The following TBCK variants were observed in gnomAD, a reference collection of about 807,000 sequenced individuals.
TBCK encodes the protein TBC1 domain containing kinase.
Under a neutral mutation model 113.4 loss-of-function variants are expected in TBCK, and 99 were observed. The observed-to-expected ratio is 0.87, with a 90% CI of 0.74 to 1.03. The LOEUF is 1.03. Among genes scored for constraint, TBCK ranks in the 50% least tolerant of loss-of-function variants. TBCK has a pLI of 0.00. For synonymous variants in TBCK, 369 were observed against 370.8 expected, an observed-to-expected ratio of 1.00 and a Z score of 0.05; for missense variants, 1,045 against 1,061.3, an observed-to-expected ratio of 0.98 and a Z score of 0.21.
In TBCK at chr4:106,244,642, T is replaced by C. The variant is rs1164732494; in HGVS notation, c.1054A>G (p.Ile352Val). 3.1e-6 allele frequency: 5 copies of C among 1,607,596 alleles called. 1 individual carries two copies. Among genetic ancestry groups the C allele is most frequent in the South Asian group, 2.2e-5 (2 of 89,400 alleles). The change falls in exon 11 of 26, where the codon ATC becomes GTC. Residue 352 changes from isoleucine to valine, a missense_variant. Coordinates refer to ENST00000394708, the MANE Select transcript of TBCK (RefSeq NM_001163435.3). ...NKEIIRSKPPICTLPNFLFED... is the reference protein window; with the variant it reads ...NKEIIRSKPPVCTLPNFLFED... ...TTTCCTTACTTGGGGAGTGTGCAGA[T>C]AGGTGGTTTGGATCGAATGATTTCC...
intron 23 of TBCK, among the ~76,000 whole-genome samples, chr4:106,120,037 C>T (rs1301536136): frequency 1.3e-5 from 2 of 152,162 alleles, no homozygotes; most frequent in African/African-American, 4.8e-5. Context: ...GTGATTTCTG[C>T]ATTTCCATCT....
chr4:106,057,113 C>T (rs1294460585), intron 25 of TBCK, among the ~76,000 whole-genome samples: 1 of 151,710 alleles, frequency 6.6e-6, no homozygotes, highest in African/African-American at 2.4e-5. Flanking sequence ...AGTCACAGAG[C>T]TTTGGCTATG....
At chr4:106,075,561 T>TTTGA (rs1213543254) in intron 25 of TBCK, among the ~76,000 whole-genome samples, 1 of 152,228 alleles carries the variant, frequency 6.6e-6, no homozygotes, top group Non-Finnish European at 1.5e-5. Context: ...TTACTAGCAC[T>TTTGA]TTGATTGGCA....
intron 22 of TBCK, among the ~76,000 whole-genome samples, chr4:106,180,615 C>T (rs931089894): frequency 6.6e-6 from 1 of 151,894 alleles, no homozygotes; most frequent in Non-Finnish European, 1.5e-5. Context: ...CTCCCACTTA[C>T]GAGGGGGAAC....
At chr4:106,248,790 T>C in intron 8 of TBCK, 131 bp downstream of exon 8, 1 of 667,132 alleles carries the variant, frequency 1.5e-6, no homozygotes, top group South Asian at 2.2e-5. Flanking sequence ...CCAAACGTAC[T>C]GGTGCCTTTA....
At chr4:106,193,148 A>G (rs1221200632) in intron 22 of TBCK, among the ~76,000 whole-genome samples, 1 of 152,148 alleles carries the variant, frequency 6.6e-6, no homozygotes, top group Non-Finnish European at 1.5e-5. Context: ...TTGTCCTCCC[A>G]AGAGGGCAGT....
Position 106,230,462 on chromosome 4 carries a change from G to A in TBCK, c.1691-16C>T. On this transcript the variant is annotated splice_polypyrimidine_tract_variant and intron_variant, in intron 18 of 25. Coordinates refer to ENST00000394708, the MANE Select transcript of TBCK (RefSeq NM_001163435.3). ...TAAGCCAAGGCTAAAAGAGAATAAGGCAAAGGCATGTAAAAAATTAGTTAA... is the reference window on the plus strand; with the variant it reads ...TAAGCCAAGGCTAAAAGAGAATAAGACAAAGGCATGTAAAAAATTAGTTAA... 1 of 1,529,118 alleles carries A rather than the reference G, an allele frequency of 6.5e-7. No homozygotes were observed. Among genetic ancestry groups the A allele is most frequent in the South Asian group, 1.2e-5 (1 of 82,544 alleles). 94.7% of individuals were successfully genotyped at this position (1,529,118 alleles called of 1,614,324 possible). A position where few individuals can be genotyped will look rare whatever the true frequency, so the allele number is the denominator to read the frequency against.
rs760904418 is a variant in TBCK at position 106,249,022 on chromosome 4, C to T, written c.659-40G>A. 1.3e-5 allele frequency: 19 copies of T among 1,451,270 alleles called. 1 individual carries two copies. In the South Asian group the frequency reaches 2.4e-4, roughly 18 times the overall value. 89.9% of individuals were successfully genotyped at this position (1,451,270 alleles called of 1,614,324 possible). ...AACTATATGAATAAATGCTATTTTT[C>T]TAATCTGTCCAACAAACCAGAAAAT... On this transcript the variant is annotated intron_variant, in intron 7 of 25. Coordinates refer to ENST00000394708, the MANE Select transcript of TBCK (RefSeq NM_001163435.3).
chr4:106,213,832 G>A, intron 19 of TBCK: 1 of 155,162 alleles, frequency 6.4e-6, no homozygotes, highest in Non-Finnish European at 1.4e-5. Flanking sequence ...GGTAAACAAA[G>A]CAGCCCGGAA....
rs1005361141 is a variant in TBCK at position 106,041,898 on chromosome 4, T to A, written c.*4672A>T. On this transcript the variant is annotated 3_prime_UTR_variant, in exon 26 of 26. Coordinates refer to ENST00000394708, the MANE Select transcript of TBCK (RefSeq NM_001163435.3). ...AGAAAAGATATAAATACATGTGACT[T>A]TATAAAATATGGCTAACTTTTAAAA... is the stretch of plus-strand genomic sequence containing the variant. 1.3e-5 allele frequency: 2 copies of A among 152,214 alleles called. No homozygotes were observed. Among genetic ancestry groups the A allele is most frequent in the African/African-American group, 2.4e-5 (1 of 41,454 alleles). The allele number at this position is 152,214 out of a possible 1,614,324, so 9.4% of individuals were successfully genotyped here.
At chr4:106,165,536 G>A (rs1750261960) in intron 23 of TBCK, among the ~76,000 whole-genome samples, 1 of 151,632 alleles carries the variant, frequency 6.6e-6, no homozygotes, top group South Asian at 2.1e-4. Flanking sequence ...CATAGCTGAG[G>A]AAAAACAGAA....
chr4:106,108,625 A>G (rs1742464852), intron 24 of TBCK, among the ~76,000 whole-genome samples: 1 of 152,222 alleles, frequency 6.6e-6, no homozygotes, highest in African/African-American at 2.4e-5. Flanking sequence ...AATAAGAGCT[A>G]TCTATGACAA....
chr4:106,221,368 T>C (rs1281593504), intron 19 of TBCK, among the ~76,000 whole-genome samples: 1 of 152,124 alleles, frequency 6.6e-6, no homozygotes, highest in Admixed American at 6.5e-5. Flanking sequence ...ATAAATTTAT[T>C]TTATGTATTA....
chr4:106,229,959 C>A (rs532825928), intron 19 of TBCK, among the ~76,000 whole-genome samples: 1 of 151,964 alleles, frequency 6.6e-6, no homozygotes, highest in Non-Finnish European at 1.5e-5. Context: ...TTTGGGTATG[C>A]ATGCATGGGA....
intron 2 of TBCK, among the ~76,000 whole-genome samples, chr4:106,307,433 A>G (rs1767653231): frequency 6.6e-6 from 1 of 152,012 alleles, no homozygotes; most frequent in African/African-American, 2.4e-5. Context: ...TTATCATTAC[A>G]AAAAAAATTT....
At chr4:106,065,095 T>C (rs949467024) in intron 25 of TBCK, among the ~76,000 whole-genome samples, 1 of 152,040 alleles carries the variant, frequency 6.6e-6, no homozygotes, top group Non-Finnish European at 1.5e-5. Context: ...ATTTGATTAA[T>C]GTCAAAATAA....
chr4:106,185,489 C>T (rs1752911647), intron 22 of TBCK, among the ~76,000 whole-genome samples: 1 of 152,054 alleles, frequency 6.6e-6, no homozygotes, highest in Admixed American at 6.6e-5. Flanking sequence ...TTTCCCACTA[C>T]CCATGTTTAA....
At chr4:106,195,532 A>T (rs935998367) in intron 20 of TBCK, among the ~76,000 whole-genome samples, 37 of 128,270 alleles carry the variant, frequency 2.9e-4, no homozygotes, top group Admixed American at 2.3e-3. Context: ...GTGTTTCCAG[A>T]TAAGATCAGC....
intron 2 of TBCK, among the ~76,000 whole-genome samples, chr4:106,298,739 T>C (rs1260529747): frequency 6.6e-6 from 1 of 152,106 alleles, no homozygotes; most frequent in Non-Finnish European, 1.5e-5. Flanking sequence ...ATTCGTGAAA[T>C]TGTGAAGAAA....
Sources: gnomAD v4.1 joint callset for allele counts (sites outside exome capture counted in the v4.1 genomes callset) on GRCh38, gnomAD v4.1.1 for gene constraint, MANE v1.5 for transcripts, NCBI Gene and HGNC (gene_info 2026-07-23, HGNC 2026-07-21) for gene names.